KANK1: variants seen among roughly 807,000 people sequenced by gnomAD.
The protein encoded by KANK1 is KN motif and ankyrin repeat domain-containing protein 1.
In KANK1, 109 loss-of-function variants were observed where a neutral mutation model predicts 106.2. That is an observed-to-expected ratio of 1.03 (90% confidence interval 0.88 to 1.20). The LOEUF is 1.20. KANK1 is among the 50% of genes most tolerant of loss of function. The probability of loss-of-function intolerance (pLI) is 0.00; values close to 1 mark genes in which losing one functional copy is unlikely to be tolerated. For missense variants in KANK1, 2,399 were observed against 1,710.7 expected (o/e 1.40, Z -7.10); for synonymous variants, 873 against 652.2 (o/e 1.34, Z -5.16).
upstream of KANK1, among the ~76,000 whole-genome samples, chr9:500,144 G>A (rs749090542): frequency 1.2e-4 from 18 of 152,148 alleles, no homozygotes; most frequent in Admixed American, 6.5e-5. Context: ...ACTCAAAATG[G>A]TCAACATGCT....
intron 2 of KANK1, among the ~76,000 whole-genome samples, chr9:682,413 CAAACTT>C (rs1394830477): frequency 1.3e-5 from 2 of 152,164 alleles, no homozygotes; most frequent in Non-Finnish European, 2.9e-5. Context: ...TTCAGGCTAA[CAAACTT>C]AAACACAGTT....
At chr9:514,146 T>C (rs1415760419) in intron 1 of KANK1, among the ~76,000 whole-genome samples, 3,291 of 36,034 alleles carry the variant, frequency 0.091, 203 homozygotes, top group African/African-American at 0.39. Context: ...CTCCCTCCCT[T>C]CCTCTCTCCC....
chr9:691,259 A>G (rs1819835469), intron 2 of KANK1, among the ~76,000 whole-genome samples: 1 of 152,010 alleles, frequency 6.6e-6, no homozygotes, highest in Non-Finnish European at 1.5e-5. Flanking sequence ...GCTTTATGTA[A>G]TCTAAACTCT....
chr9:604,605 G>A (rs1828619707), intron 1 of KANK1, among the ~76,000 whole-genome samples: 2 of 151,782 alleles, frequency 1.3e-5, no homozygotes, highest in African/African-American at 4.9e-5. Flanking sequence ...ACCAACGCGG[G>A]CAGATCACTT....
chr9:605,206 C>T (rs965237634), intron 1 of KANK1, among the ~76,000 whole-genome samples: 2 of 147,928 alleles, frequency 1.4e-5, no homozygotes, highest in South Asian at 4.2e-4. Context: ...GAGACTGAGG[C>T]AGGAGAATCA....
At chr9:620,496 A>G (rs915161461) in intron 1 of KANK1, among the ~76,000 whole-genome samples, 2 of 151,934 alleles carry the variant, frequency 1.3e-5, no homozygotes, top group Non-Finnish European at 1.5e-5. Flanking sequence ...TACACCTCCC[A>G]GGTTCAAGCG....
intron 2 of KANK1, chr9:693,536 G>A (rs1820491823): frequency 1.0e-6 from 1 of 985,264 alleles, no homozygotes; most frequent in African/African-American, 1.7e-5. Flanking sequence ...TCTTTTTTAA[G>A]ATCTTGCTAG....
At chr9:509,965 T>C (rs2058956727) in intron 1 of KANK1, among the ~76,000 whole-genome samples, 1 of 146,902 alleles carries the variant, frequency 6.8e-6, no homozygotes, top group South Asian at 2.1e-4. Flanking sequence ...TGCACTCAGC[T>C]AATTTTTCCT....
chr9:725,595 G>C (rs2131509610), intron 3 of KANK1, among the ~76,000 whole-genome samples: 1 of 151,990 alleles, frequency 6.6e-6, no homozygotes, highest in African/African-American at 2.4e-5. Context: ...TTTTAAACCA[G>C]TCAAAGTAGA....
intron 1 of KANK1, among the ~76,000 whole-genome samples, chr9:658,434 GA>G (rs1842606132): frequency 6.6e-6 from 1 of 151,688 alleles, no homozygotes; most frequent in South Asian, 2.1e-4. Flanking sequence ...GAAATATATG[GA>G]GCTCTTTCTG....
At chr9:546,794 T>C (rs150092654) in intron 1 of KANK1, among the ~76,000 whole-genome samples, 138 of 152,202 alleles carry the variant, frequency 9.1e-4, no homozygotes, top group African/African-American at 3.2e-3. Context: ...GGCAACCAAG[T>C]ACGGGCTAAT....
At chr9:514,141 TCCC>T in intron 1 of KANK1, among the ~76,000 whole-genome samples, 1 of 50,064 alleles carries the variant, frequency 2.0e-5, no homozygotes. Context: ...CCTCCCTCCC[TCCC>T]TTCCTCTCTC....
intron 2 of KANK1, among the ~76,000 whole-genome samples, chr9:687,717 C>T (rs1053477986): frequency 6.6e-6 from 1 of 152,188 alleles, no homozygotes; most frequent in Non-Finnish European, 1.5e-5. Context: ...TTACCTCTCC[C>T]AACAGGCATT....
intron 3 of KANK1, among the ~76,000 whole-genome samples, chr9:719,215 C>T (rs1167181160): frequency 6.6e-6 from 1 of 152,138 alleles, no homozygotes; most frequent in East Asian, 1.9e-4. Context: ...GATCCACCCA[C>T]CTCGGCCTCC....
chr9:714,967 G>T (rs549758640), intron 3 of KANK1, among the ~76,000 whole-genome samples: 62 of 151,986 alleles, frequency 4.1e-4, no homozygotes, highest in Non-Finnish European at 8.1e-4. Flanking sequence ...ACATGAAAAT[G>T]TGTGATACAG....
At chr9:639,138 A>G (rs946499049) in intron 1 of KANK1, among the ~76,000 whole-genome samples, 2 of 152,088 alleles carry the variant, frequency 1.3e-5, no homozygotes, top group Non-Finnish European at 2.9e-5. Flanking sequence ...TTGTTTCACT[A>G]GGCTTCAACA....
At chr9:529,098 C>G (rs996404625) in intron 1 of KANK1, among the ~76,000 whole-genome samples, 2 of 151,920 alleles carry the variant, frequency 1.3e-5, no homozygotes, top group Admixed American at 6.6e-5. Context: ...TGTGCCTGGC[C>G]CATGGCTCAG....
chr9:700,397 C>A (rs150158708), intron 2 of KANK1, among the ~76,000 whole-genome samples: 1 of 152,168 alleles, frequency 6.6e-6, no homozygotes, highest in African/African-American at 2.4e-5. Flanking sequence ...CCTGCTAAAC[C>A]CGTTCAGAAG....
In KANK1 at chr9:509,424, T is replaced by C. The variant is rs182450254; in HGVS notation, c.-84+4670T>C. On this transcript the variant is annotated intron_variant, in intron 1 of 11. Transcript: ENST00000382297. The stretch of plus-strand genomic sequence containing the variant: ...CTATATTTACCCCATCCTAGCAGAC[T>C]AATTATTTGTTGTCTTCACTTCCAG... Among the ~76,000 whole-genome samples the C allele has an allele frequency of 2.2e-3, 341 of 152,356 alleles. 6 individuals carry two copies. The highest frequency in any genetic ancestry group is 1.3e-3 in the Non-Finnish European group (89 of 68,030).
Sources: allele counts gnomAD v4.1 joint callset (sites outside exome capture counted in the v4.1 genomes callset), GRCh38; gene constraint gnomAD v4.1.1; transcripts MANE v1.5; gene names NCBI Gene and HGNC (gene_info 2026-07-23, HGNC 2026-07-21).